The following CHODL variants were observed in gnomAD, a reference collection of about 807,000 sequenced individuals.
The protein encoded by CHODL is chondrolectin.
A neutral mutation model predicts 34.5 loss-of-function variants in CHODL; 29 were observed. The ratio of observed to expected loss-of-function variants is 0.84; its 90% CI spans 0.63 to 1.15. The LOEUF (loss-of-function observed/expected upper bound fraction) is 1.15, where lower values mean the gene tolerates loss of function less well. Ranked by LOEUF, CHODL falls within the 50% of genes most tolerant of loss-of-function variation. The probability of loss-of-function intolerance (pLI) is 0.00; values close to 1 mark genes in which losing one functional copy is unlikely to be tolerated. For missense variants in CHODL, 332 were observed against 332.5 expected (o/e 1.00, Z 0.01); for synonymous variants, 125 against 116.1 (o/e 1.08, Z -0.49).
rs191098193 is a variant in CHODL at position 17,941,724 on chromosome 21, C to T, written c.-145+24324C>T. On this transcript the variant is annotated intron_variant, in intron 1 of 6. Transcript: ENST00000400127. ...TACTACATACCTGTCTTAGTTCGCT[C>T]AGGCTACTATAACAAAATACCATAA... Among the ~76,000 whole-genome samples, 303 of 152,268 alleles carry T rather than the reference C, an allele frequency of 2.0e-3. 1 individual carries two copies. The highest frequency in any genetic ancestry group is 4.1e-3 in the Admixed American group (62 of 15,292).
At chr21:18,051,035 C>T (rs928425013) in intron 2 of CHODL, among the ~76,000 whole-genome samples, 5 of 151,604 alleles carry the variant, frequency 3.3e-5, no homozygotes, top group African/African-American at 9.7e-5. Context: ...CTCATCAACC[C>T]GTCATTTACA....
intron 1 of CHODL, among the ~76,000 whole-genome samples, chr21:17,943,583 C>T (rs1249122412): frequency 6.6e-6 from 1 of 152,208 alleles, no homozygotes; most frequent in Non-Finnish European, 1.5e-5. Context: ...ACAGAAAGTT[C>T]AACTACCAAC....
intron 2 of CHODL, among the ~76,000 whole-genome samples, chr21:18,202,134 G>A (rs1371073904): frequency 6.6e-6 from 1 of 152,038 alleles, no homozygotes; most frequent in East Asian, 1.9e-4. Context: ...AGTCCACAAG[G>A]TTACCATGTA....
rs1274354894 is a variant in CHODL, at chr21:17,955,239, C to G, written c.-145+37839C>G. On this transcript the variant is annotated intron_variant, in intron 1 of 6. Transcript: ENST00000400127. ...TGAAATAATCTTACCTGCCTGAAGT[C>G]ATGGGATTAAATATTATCCTGGAGA... 5.8e-5 allele frequency among the ~76,000 whole-genome samples: 8 copies of G among 137,330 alleles called. 1 individual carries two copies. Among genetic ancestry groups the G allele is most frequent in the East Asian group, 2.2e-4 (1 of 4,640 alleles). 90.1% of individuals were successfully genotyped at this position (137,330 alleles called of 152,430 possible).
chr21:18,166,608 G>C (rs2073156299), intron 2 of CHODL, among the ~76,000 whole-genome samples: 1 of 152,058 alleles, frequency 6.6e-6, no homozygotes, highest in Non-Finnish European at 1.5e-5. Context: ...GAGTACGTCT[G>C]TCTGATATAA....
At chr21:17,983,149 A>C (rs544419448) in intron 1 of CHODL, among the ~76,000 whole-genome samples, 2 of 152,178 alleles carry the variant, frequency 1.3e-5, no homozygotes, top group Non-Finnish European at 2.9e-5. Context: ...TACTCTTTCT[A>C]ATCTGCTTTA....
At chr21:18,210,488 T>C (rs1162650281) in intron 2 of CHODL, among the ~76,000 whole-genome samples, 5 of 152,180 alleles carry the variant, frequency 3.3e-5, no homozygotes, top group African/African-American at 1.2e-4. Context: ...ATGAAGGTGC[T>C]TTTTTGTGTG....
rs543644376 is a variant in CHODL at position 17,952,535 on chromosome 21, C to T, written c.-145+35135C>T. Among the ~76,000 whole-genome samples the T allele has an allele frequency of 1.3e-4, 20 of 152,054 alleles. 2 individuals are homozygous for T. The highest frequency in any genetic ancestry group is 3.9e-4 in the African/African-American group (16 of 41,472). ...TAGAGTTTAGGATAAATGAAACCCA[C>T]GCTAATATATTGCCAATAGAACTGC... On this transcript the variant is annotated intron_variant, in intron 1 of 6. Coordinates refer to the CHODL transcript ENST00000400127.
intron 1 of CHODL, among the ~76,000 whole-genome samples, chr21:17,958,620 G>A (rs1200556588): frequency 6.6e-6 from 1 of 152,094 alleles, no homozygotes; most frequent in Non-Finnish European, 1.5e-5. Flanking sequence ...GAAGCCAGAG[G>A]GATACAAAGA....
At chr21:17,933,013 G>A (rs948500706) in intron 1 of CHODL, among the ~76,000 whole-genome samples, 3 of 152,170 alleles carry the variant, frequency 2.0e-5, no homozygotes, top group Non-Finnish European at 2.9e-5. Context: ...ACAAGGTAAA[G>A]AATTAAGTGC....
At chr21:18,154,941 GAAT>G (rs1339100405) in intron 2 of CHODL, among the ~76,000 whole-genome samples, 1 of 152,162 alleles carries the variant, frequency 6.6e-6, no homozygotes, top group Non-Finnish European at 1.5e-5. Context: ...GAAGCAGATG[GAAT>G]AATAATAGTG....
intron 2 of CHODL, among the ~76,000 whole-genome samples, chr21:18,157,077 C>A (rs1237340711): frequency 6.6e-6 from 1 of 152,148 alleles, no homozygotes; most frequent in Non-Finnish European, 1.5e-5. Context: ...TATGTGGTAC[C>A]ACTCCCTTCA....
chr21:18,042,383 G>T (rs1259237986), intron 2 of CHODL, among the ~76,000 whole-genome samples: 2 of 151,836 alleles, frequency 1.3e-5, no homozygotes, highest in Admixed American at 1.3e-4. Context: ...CAGAGCTATG[G>T]CAATAAGAGA....
intron 2 of CHODL, among the ~76,000 whole-genome samples, chr21:18,179,543 C>T (rs2073356752): frequency 6.6e-6 from 1 of 152,106 alleles, no homozygotes. Flanking sequence ...CAGTTTTACC[C>T]TTTAGTCAAA....
chr21:18,245,380 C>T, intron 1 of CHODL, 78 bp downstream of exon 1: 3 of 1,267,560 alleles, frequency 2.4e-6, no homozygotes, highest in South Asian at 1.5e-5. Flanking sequence ...TGTTCTCGGG[C>T]GGAGGCTCTC....
chr21:18,049,539 T>C (rs959178198), intron 2 of CHODL, among the ~76,000 whole-genome samples: 1 of 151,940 alleles, frequency 6.6e-6, no homozygotes, highest in African/African-American at 2.4e-5. Flanking sequence ...CCAGAGACTG[T>C]GTAGTTTAAA....
At chr21:18,120,816 A>C (rs2065470607) in intron 2 of CHODL, among the ~76,000 whole-genome samples, 1 of 152,078 alleles carries the variant, frequency 6.6e-6, no homozygotes, top group Admixed American at 6.6e-5. Context: ...CATATGTAGA[A>C]AACCAAAAAT....
intron 2 of CHODL, among the ~76,000 whole-genome samples, chr21:18,046,402 C>G (rs1479903295): frequency 6.6e-6 from 1 of 151,896 alleles, no homozygotes; most frequent in Non-Finnish European, 1.5e-5. Context: ...GATGGTGGCA[C>G]ACACCCGCCT....
At chr21:18,228,435 A>G (rs2146750922) in intron 2 of CHODL, among the ~76,000 whole-genome samples, 1 of 152,304 alleles carries the variant, frequency 6.6e-6, no homozygotes, top group East Asian at 1.9e-4. Flanking sequence ...TAATGGCTGC[A>G]TCATGGGATG....
Sources: allele counts gnomAD v4.1 joint callset (sites outside exome capture counted in the v4.1 genomes callset), GRCh38; gene constraint gnomAD v4.1.1; transcripts MANE v1.5; gene names NCBI Gene and HGNC (gene_info 2026-07-23, HGNC 2026-07-21).